Variants in GMPS observed in about 807,000 individuals in gnomAD.
The protein encoded by GMPS is GMP synthase [glutamine-hydrolyzing].
GMPS carries 15 observed loss-of-function variants against 77.9 expected under a neutral mutation model. The ratio of observed to expected loss-of-function variants is 0.19; its 90% CI spans 0.13 to 0.30. The LOEUF (loss-of-function observed/expected upper bound fraction) is 0.30. Among genes scored for constraint, GMPS ranks in the 10% least tolerant of loss-of-function variants. The pLI is 1.00. For missense variants in GMPS, 590 were observed against 838.8 expected (o/e 0.70, Z 3.66); for synonymous variants, 224 against 275.9 (o/e 0.81, Z 1.86).
At chr3:155,928,320 GC>G (rs1018371241) in intron 12 of GMPS, among the ~76,000 whole-genome samples, 1 of 152,004 alleles carries the variant, frequency 6.6e-6, no homozygotes, top group African/African-American at 2.4e-5. Context: ...GAGCTACCAC[GC>G]CCAGCCCATT....
intron 9 of GMPS, among the ~76,000 whole-genome samples, chr3:155,917,919 A>G (rs912264101): frequency 3.9e-5 from 6 of 152,128 alleles, no homozygotes; most frequent in Non-Finnish European, 7.4e-5. Flanking sequence ...GTACTACTAT[A>G]TGTATATAAC....
At position 155,892,462 on chromosome 3, in the gene GMPS, C is replaced by T. The variant is rs140653538; in HGVS notation, c.28-1056C>T. Among the ~76,000 whole-genome samples, 19 of 152,208 alleles carry T rather than the reference C, an allele frequency of 1.2e-4. No homozygotes were observed. The East Asian group carries it at 2.9e-3, about 23-fold the overall frequency. On this transcript the variant is annotated intron_variant, in intron 1 of 15. Coordinates refer to ENST00000496455, the MANE Select transcript of GMPS (RefSeq NM_003875.3). Reference sequence around the variant, plus strand: ...ACCCAACTTCAGTGATTTCAGTACACGGGCAGTCTTGTTTCATCCATAGCC... The same window carrying T: ...ACCCAACTTCAGTGATTTCAGTACATGGGCAGTCTTGTTTCATCCATAGCC...
At chr3:155,882,703 T>G (rs1416479364) in intron 1 of GMPS, among the ~76,000 whole-genome samples, 1 of 152,210 alleles carries the variant, frequency 6.6e-6, no homozygotes, top group Non-Finnish European at 1.5e-5. Flanking sequence ...ATAAAATTAC[T>G]TTGTCAACTT....
intron 12 of GMPS, among the ~76,000 whole-genome samples, chr3:155,927,445 T>C (rs1055937399): frequency 6.3e-4 from 96 of 152,332 alleles, no homozygotes; most frequent in African/African-American, 2.2e-3. Context: ...TTACAAAAAA[T>C]AGATACTTGA....
At chr3:155,921,694 AG>A (rs1755320149) in intron 10 of GMPS, among the ~76,000 whole-genome samples, 2 of 152,134 alleles carry the variant, frequency 1.3e-5, no homozygotes, top group African/African-American at 4.8e-5. Context: ...TAGGAGGCTG[AG>A]GTGGGAAGAC....
Position 155,940,515 on chromosome 3 carries a change from T to C in GMPS, c.*2823T>C. ...CCTGTTTTACTGAATAACTTGACCCTAACCTGTAGAGAATAAGAGCATTCA... is the reference window on the plus strand; with the variant it reads ...CCTGTTTTACTGAATAACTTGACCCCAACCTGTAGAGAATAAGAGCATTCA... On this transcript the variant is annotated 3_prime_UTR_variant, in exon 16 of 16. Transcript: ENST00000496455. 4.6e-6 allele frequency: 1 copy of C among 215,948 alleles called. No individual in the cohort carries two copies. 13.4% of individuals were successfully genotyped at this position (215,948 alleles called of 1,614,324 possible). A position where few individuals can be genotyped will look rare whatever the true frequency, so the allele number is the denominator to read the frequency against.
At chr3:155,901,570 A>AT (rs1754738418) in intron 3 of GMPS, among the ~76,000 whole-genome samples, 1 of 151,730 alleles carries the variant, frequency 6.6e-6, no homozygotes, top group South Asian at 2.1e-4. Context: ...GGTAAATGAT[A>AT]TTTTTTCCCT....
rs531197682 is a variant in GMPS at position 155,891,797 on chromosome 3, G to A, written c.28-1721G>A. On this transcript the variant is annotated intron_variant, in intron 1 of 15. Coordinates refer to ENST00000496455, the MANE Select transcript of GMPS (RefSeq NM_003875.3). ...AATTTTGTGTTTTTAGTAGAGGCAG[G>A]GTTTTTCCATGTTGGTCAGGCTGGT... Among the ~76,000 whole-genome samples, 358 of 151,952 alleles carry A rather than the reference G, an allele frequency of 2.4e-3. 1 individual carries two copies. The highest frequency in any genetic ancestry group is 8.4e-3 in the African/African-American group (350 of 41,436).
At chr3:155,883,655 G>A (rs1754262057) in intron 1 of GMPS, among the ~76,000 whole-genome samples, 2 of 152,128 alleles carry the variant, frequency 1.3e-5, no homozygotes, top group South Asian at 4.2e-4. Context: ...GATGCCTTTG[G>A]TTCTTCATGC....
chr3:155,929,253 A>C (rs1755538891), intron 12 of GMPS, among the ~76,000 whole-genome samples: 1 of 151,510 alleles, frequency 6.6e-6, no homozygotes, highest in Non-Finnish European at 1.5e-5. Flanking sequence ...ATGGTATCTC[A>C]TAGTGGTTTT....
At chr3:155,871,934 C>T (rs959751878) in intron 1 of GMPS, among the ~76,000 whole-genome samples, 3 of 152,228 alleles carry the variant, frequency 2.0e-5, no homozygotes, top group Non-Finnish European at 4.4e-5. Context: ...GCCTGGAGTT[C>T]TTTCTGACCT....
At chr3:155,911,568 G>A (rs990133616) in intron 7 of GMPS, among the ~76,000 whole-genome samples, 3 of 152,082 alleles carry the variant, frequency 2.0e-5, no homozygotes, top group Non-Finnish European at 4.4e-5. Flanking sequence ...CAGGCGCGGT[G>A]GCTCACGCCT....
In GMPS at chr3:155,940,356, A is replaced by G. The variant is rs1755859383; in HGVS notation, c.*2664A>G. 5.0e-6 allele frequency: 1 copy of G among 201,738 alleles called. No homozygotes were observed. Among genetic ancestry groups the G allele is most frequent in the African/African-American group, 2.3e-5 (1 of 43,630 alleles). 12.5% of individuals were successfully genotyped at this position (201,738 alleles called of 1,614,324 possible). On this transcript the variant is annotated 3_prime_UTR_variant, in exon 16 of 16. Coordinates refer to ENST00000496455, the MANE Select transcript of GMPS (RefSeq NM_003875.3). ...AATTCCTAAATACAAGTCTGTAGAT[A>G]TATCCAGGAGATAGGGTTACACTGT...
At chr3:155,884,788 G>A (rs904491147) in intron 1 of GMPS, among the ~76,000 whole-genome samples, 2 of 152,226 alleles carry the variant, frequency 1.3e-5, no homozygotes, top group Admixed American at 1.3e-4. Flanking sequence ...TAGGGTATGT[G>A]TATGGGGTTC....
chr3:155,930,031 A>G (rs1755570061), intron 12 of GMPS, among the ~76,000 whole-genome samples: 1 of 149,442 alleles, frequency 6.7e-6, no homozygotes, highest in Non-Finnish European at 1.5e-5. Flanking sequence ...TATGGAACCA[A>G]AAAAGAGCCC....
chr3:155,904,056 C>T (rs1754803547), intron 4 of GMPS, 96 bp downstream of exon 4: 3 of 602,110 alleles, frequency 5.0e-6, no homozygotes, highest in East Asian at 2.9e-5. Flanking sequence ...AATTCATAAA[C>T]AAAATTAAGG....
intron 2 of GMPS, 40 bp from the exon 3 acceptor site, chr3:155,897,887 A>G (rs1028438148): frequency 2.0e-6 from 2 of 1,004,050 alleles, no homozygotes; most frequent in Non-Finnish European, 3.2e-6. Flanking sequence ...TTGTATAAAA[A>G]TTAACAGAGA....
intron 5 of GMPS, among the ~76,000 whole-genome samples, chr3:155,907,467 C>G (rs1310397439): frequency 6.6e-6 from 1 of 152,062 alleles, no homozygotes; most frequent in Non-Finnish European, 1.5e-5. Context: ...TGCACATTTG[C>G]AGTCCTAGCT....
chr3:155,889,753 A>T (rs1754419616), intron 1 of GMPS, among the ~76,000 whole-genome samples: 1 of 152,140 alleles, frequency 6.6e-6, no homozygotes, highest in African/African-American at 2.4e-5. Context: ...TTTGCTGTAT[A>T]TGGTTTAATT....
Sources: allele counts gnomAD v4.1 joint callset (sites outside exome capture counted in the v4.1 genomes callset), GRCh38; gene constraint gnomAD v4.1.1; transcripts MANE v1.5; gene names NCBI Gene and HGNC (gene_info 2026-07-23, HGNC 2026-07-21).